Variants in PITPNM2 observed in about 807,000 individuals in gnomAD.
PITPNM2 encodes the protein phosphatidylinositol transfer protein membrane associated 2, also known as membrane-associated phosphatidylinositol transfer protein 2.
A neutral mutation model predicts 132.2 loss-of-function variants in PITPNM2; 35 were observed. The observed-to-expected ratio is 0.26, with a 90% CI of 0.20 to 0.35. The LOEUF is 0.35. PITPNM2 is among the 10% of genes least tolerant of loss of function. PITPNM2 has a pLI of 1.00. For missense variants in PITPNM2, 1,332 were observed against 1,912.0 expected, an observed-to-expected ratio of 0.70 and a Z score of 5.66; for synonymous variants, 738 against 799.2, an observed-to-expected ratio of 0.92 and a Z score of 1.29.
chr12:123,118,289 G>A (rs2137410927), intron 1 of PITPNM2, among the ~76,000 whole-genome samples: 1 of 152,304 alleles, frequency 6.6e-6, no homozygotes, highest in South Asian at 2.1e-4. Context: ...GACCAGTTCT[G>A]TACTCTGCGA....
At chr12:123,039,198 G>A (rs1355467792) in intron 2 of PITPNM2, among the ~76,000 whole-genome samples, 1 of 152,164 alleles carries the variant, frequency 6.6e-6, no homozygotes, top group Non-Finnish European at 1.5e-5. Context: ...GGTCAAGGCT[G>A]CAGTGAGCCA....
intron 2 of PITPNM2, among the ~76,000 whole-genome samples, chr12:123,061,253 C>A (rs1420101788): frequency 6.6e-6 from 1 of 152,158 alleles, no homozygotes; most frequent in Non-Finnish European, 1.5e-5. Context: ...GAAGAAAGAC[C>A]CTGCTAGTGG....
intron 10 of PITPNM2, 100 bp from the exon 11 acceptor site, chr12:122,997,672 C>T (rs2038490409): frequency 2.7e-6 from 4 of 1,481,862 alleles, no homozygotes; most frequent in Admixed American, 2.0e-5. Flanking sequence ...TGCACGCAGC[C>T]CAACTGCTCC....
In PITPNM2 at chr12:122,992,040, G is replaced by A; in HGVS notation, c.2404+459C>T. ...GGGACACACGCTGGGGCAGGGGTCG[G>A]GCCAAGCCTACCTGGACCTCCCCTG... On this transcript the variant is annotated intron_variant, in intron 16 of 25. Transcript: ENST00000320201. The surrounding 1 kb of genome is among the most constrained non-coding windows in gnomAD (Gnocchi z 6.5). 1.4e-6 allele frequency: 1 copy of A among 740,694 alleles called. No individual in the cohort carries two copies. The highest frequency in any genetic ancestry group is 1.9e-6 in the Non-Finnish European group (1 of 535,322). The allele number at this position is 740,694 out of a possible 1,614,324, so 45.9% of individuals were successfully genotyped here. A position where few individuals can be genotyped will look rare whatever the true frequency, so the allele number is the denominator to read the frequency against.
intron 22 of PITPNM2, 29 bp downstream of exon 22, chr12:122,987,482 T>A (rs779160501): frequency 6.2e-7 from 1 of 1,611,012 alleles, no homozygotes; most frequent in Non-Finnish European, 8.5e-7. Flanking sequence ...TCGCCCTGCC[T>A]ATCCCGCCCT....
chr12:123,114,745 A>G (rs956249390), intron 1 of PITPNM2, among the ~76,000 whole-genome samples: 3 of 152,154 alleles, frequency 2.0e-5, no homozygotes, highest in Non-Finnish European at 4.4e-5. Context: ...ACTGGTACCT[A>G]ATTCATAGAA....
chr12:122,990,279 T>G (rs948048224), intron 17 of PITPNM2, among the ~76,000 whole-genome samples: 1 of 152,240 alleles, frequency 6.6e-6, no homozygotes, highest in African/African-American at 2.4e-5. Context: ...CCCTTACTAA[T>G]GCGCCTTCTT....
chr12:123,038,343 G>C (rs1266132728), intron 2 of PITPNM2, among the ~76,000 whole-genome samples: 1 of 152,218 alleles, frequency 6.6e-6, no homozygotes, highest in Non-Finnish European at 1.5e-5. Flanking sequence ...TGTGACGGGA[G>C]GTGACAGTTT....
intron 8 of PITPNM2, among the ~76,000 whole-genome samples, chr12:123,001,645 A>G (rs996604545): frequency 3.9e-5 from 6 of 152,204 alleles, no homozygotes; most frequent in African/African-American, 1.4e-4. Context: ...CAGATGCTTC[A>G]TTCCGTTTTA....
intron 1 of PITPNM2, among the ~76,000 whole-genome samples, chr12:123,148,555 G>A (rs901489656): frequency 6.6e-5 from 10 of 152,200 alleles, no homozygotes; most frequent in South Asian, 2.1e-4. Context: ...CTGGTTAGGA[G>A]AGCATCTATC....
intron 3 of PITPNM2, among the ~76,000 whole-genome samples, chr12:123,016,208 C>A (rs1175722971): frequency 6.6e-6 from 1 of 151,990 alleles, no homozygotes; most frequent in South Asian, 2.1e-4. Context: ...CTCCTGTAAT[C>A]CCAGCTACTC....
intron 3 of PITPNM2, among the ~76,000 whole-genome samples, chr12:123,028,868 C>T (rs1483908651): frequency 2.0e-5 from 3 of 152,194 alleles, no homozygotes; most frequent in Non-Finnish European, 4.4e-5. Flanking sequence ...GGGGCATTCA[C>T]ACCAGCCCTG....
intron 2 of PITPNM2, among the ~76,000 whole-genome samples, chr12:123,100,047 T>C (rs987706040): frequency 2.0e-4 from 31 of 152,198 alleles, no homozygotes; most frequent in African/African-American, 6.8e-4. Context: ...CATGACCATA[T>C]GCAGTAAGGA....
chr12:123,028,653 T>G (rs1199911440), intron 3 of PITPNM2, among the ~76,000 whole-genome samples: 2 of 152,230 alleles, frequency 1.3e-5, no homozygotes. Flanking sequence ...GAGGTATGAC[T>G]GACATACAAT....
At chr12:123,093,985 C>T (rs915240174) in intron 2 of PITPNM2, among the ~76,000 whole-genome samples, 2 of 152,246 alleles carry the variant, frequency 1.3e-5, no homozygotes, top group African/African-American at 4.8e-5. Context: ...CAGTGAGAGG[C>T]CCCTCAGGCT....
At chr12:123,121,917 T>C (rs2043041141) in intron 1 of PITPNM2, among the ~76,000 whole-genome samples, 1 of 152,122 alleles carries the variant, frequency 6.6e-6, no homozygotes, top group Admixed American at 6.6e-5. Flanking sequence ...TACAGTGGCA[T>C]GATCTTGGCT....
chr12:123,122,416 C>A (rs983872426), intron 1 of PITPNM2, among the ~76,000 whole-genome samples: 1 of 152,058 alleles, frequency 6.6e-6, no homozygotes, highest in Admixed American at 6.6e-5. Context: ...GAGCCAAGAT[C>A]GTGTCATTGC....
chr12:123,115,119 C>G (rs112165302), intron 1 of PITPNM2, among the ~76,000 whole-genome samples: 420 of 152,288 alleles, frequency 2.8e-3, no homozygotes, highest in African/African-American at 9.2e-3. Context: ...AGCTCTGAAC[C>G]CTCCACCATT....
intron 2 of PITPNM2, among the ~76,000 whole-genome samples, chr12:123,071,393 C>T (rs976615230): frequency 1.3e-5 from 2 of 152,168 alleles, no homozygotes; most frequent in African/African-American, 4.8e-5. Context: ...TGTTGTGCTT[C>T]CTAGGGTGGA....
Sources: gnomAD v4.1 joint callset for allele counts (sites outside exome capture counted in the v4.1 genomes callset) on GRCh38, gnomAD v4.1.1 for gene constraint, Gnocchi (gnomAD v3.1) non-coding constraint, MANE v1.5 for transcripts, NCBI Gene and HGNC (gene_info 2026-07-23, HGNC 2026-07-21) for gene names.